Variants in ATRN observed in about 807,000 individuals in gnomAD.
ATRN encodes attractin-2.
Under a neutral mutation model 178.7 loss-of-function variants are expected in ATRN, and 54 were observed. The ratio of observed to expected loss-of-function variants is 0.30; its 90% CI spans 0.24 to 0.38. The LOEUF (loss-of-function observed/expected upper bound fraction) is 0.38, where lower values mean the gene tolerates loss of function less well. Ranked by LOEUF, ATRN falls within the 10% of genes least tolerant of loss-of-function variation. ATRN has a pLI of 1.00. For missense variants in ATRN, 1,443 were observed against 1,815.1 expected (o/e 0.79, Z 3.73); for synonymous variants, 636 against 663.0 (o/e 0.96, Z 0.63).
intron 15 of ATRN, among the ~76,000 whole-genome samples, chr20:3,580,293 G>C: frequency 6.6e-6 from 1 of 152,140 alleles, no homozygotes; most frequent in East Asian, 1.9e-4. Flanking sequence ...GTTCAACCAG[G>C]TGGCCACAGA....
At chr20:3,529,330 A>G (rs1294983421) in intron 1 of ATRN, among the ~76,000 whole-genome samples, 1 of 152,186 alleles carries the variant, frequency 6.6e-6, no homozygotes, top group African/African-American at 2.4e-5. Flanking sequence ...ACTTTAATCC[A>G]GTGATTTCAT....
At chr20:3,500,602 T>A (rs374288924) in intron 1 of ATRN, among the ~76,000 whole-genome samples, 12 of 148,012 alleles carry the variant, frequency 8.1e-5, no homozygotes, top group Admixed American at 2.8e-4. Context: ...AACCAAACAC[T>A]GCATATTCTC....
At chr20:3,605,074 C>T (rs1046385839) in intron 24 of ATRN, among the ~76,000 whole-genome samples, 1 of 152,190 alleles carries the variant, frequency 6.6e-6, no homozygotes, top group African/African-American at 2.4e-5. Flanking sequence ...AGCATGGTCA[C>T]TGGACGGAGG....
At chr20:3,537,822 C>A (rs2085560703) in intron 2 of ATRN, among the ~76,000 whole-genome samples, 1 of 151,760 alleles carries the variant, frequency 6.6e-6, no homozygotes, top group African/African-American at 2.4e-5. Context: ...TCATCCATGT[C>A]CCTACAAAGG....
intron 1 of ATRN, among the ~76,000 whole-genome samples, chr20:3,473,417 G>A (rs2084461514): frequency 6.6e-6 from 1 of 152,174 alleles, no homozygotes; most frequent in Non-Finnish European, 1.5e-5. Context: ...TGGAAGGCCA[G>A]GTGGCAGGAG....
chr20:3,644,466 C>CT (rs2087092630), intron 28 of ATRN, among the ~76,000 whole-genome samples, 198 bp downstream of exon 28: 1 of 152,216 alleles, frequency 6.6e-6, no homozygotes, highest in African/African-American at 2.4e-5. Context: ...TCGTCCCTTC[C>CT]TGGGGGGACG....
intron 1 of ATRN, among the ~76,000 whole-genome samples, chr20:3,510,755 A>C (rs771963124): frequency 1.9e-4 from 29 of 151,804 alleles, no homozygotes; most frequent in Admixed American, 5.9e-4. Flanking sequence ...GTGCTGTCTT[A>C]TTTTTCCACT....
chr20:3,511,737 GAC>G (rs1466956331), intron 1 of ATRN, among the ~76,000 whole-genome samples: 1 of 152,034 alleles, frequency 6.6e-6, no homozygotes, highest in East Asian at 1.9e-4. Context: ...AACGAAGAAA[GAC>G]ATGTTTTAGG....
intron 24 of ATRN, among the ~76,000 whole-genome samples, chr20:3,606,506 G>A (rs187409871): frequency 5.3e-5 from 8 of 152,250 alleles, no homozygotes; most frequent in East Asian, 3.9e-4. Flanking sequence ...TCTCCAGACC[G>A]GCACTGGCAG....
intron 24 of ATRN, among the ~76,000 whole-genome samples, chr20:3,623,563 C>T (rs1035590149): frequency 1.4e-4 from 22 of 152,098 alleles, no homozygotes; most frequent in African/African-American, 4.1e-4. Flanking sequence ...AGCAGATGCT[C>T]GTCATTTACC....
Position 3,646,871 on chromosome 20 carries a change from C to T in ATRN, c.*24C>T, listed in dbSNP as rs370171900. 1.3e-5 allele frequency: 21 copies of T among 1,611,802 alleles called. No individual in the cohort carries two copies. Among genetic ancestry groups the T allele is most frequent in the African/African-American group, 8.0e-5 (6 of 74,844 alleles). ...GATGCTGGGGCCAGGGACTCTCCCA[C>T]GCACGAGCTAGTGAGTGGCACACCA... On this transcript the variant is annotated 3_prime_UTR_variant, in exon 29 of 29. Coordinates refer to ENST00000262919, the MANE Select transcript of ATRN (RefSeq NM_139321.3).
intron 1 of ATRN, among the ~76,000 whole-genome samples, chr20:3,509,871 A>G (rs958662563): frequency 2.0e-5 from 3 of 152,338 alleles, no homozygotes; most frequent in Admixed American, 6.5e-5. Flanking sequence ...AGTGCAAAGC[A>G]CAACTTTGTA....
chr20:3,600,895 A>T, intron 22 of ATRN, 51 bp from the exon 23 acceptor site: 1 of 1,494,638 alleles, frequency 6.7e-7, no homozygotes, highest in African/African-American at 1.4e-5. Flanking sequence ...TTTATTTTAA[A>T]ATCTAGAAAT....
At chr20:3,631,297 T>C (rs2086987967) in intron 25 of ATRN, among the ~76,000 whole-genome samples, 1 of 152,064 alleles carries the variant, frequency 6.6e-6, no homozygotes, top group Non-Finnish European at 1.5e-5. Flanking sequence ...AGGGGAAAGG[T>C]ATCCAGATAA....
At chr20:3,537,654 C>T (rs1386613847) in intron 2 of ATRN, among the ~76,000 whole-genome samples, 1 of 150,646 alleles carries the variant, frequency 6.6e-6, no homozygotes, top group Non-Finnish European at 1.5e-5. Flanking sequence ...AATGCTATCC[C>T]TCCCCACTCC....
intron 6 of ATRN, among the ~76,000 whole-genome samples, chr20:3,555,904 T>C (rs1263113860): frequency 6.6e-6 from 1 of 152,138 alleles, no homozygotes; most frequent in South Asian, 2.1e-4. Context: ...GAACCCATCA[T>C]GGAGGAAAAG....
chr20:3,559,547 C>A (rs1259320388), intron 7 of ATRN, 64 bp downstream of exon 7: 2 of 1,363,786 alleles, frequency 1.5e-6, no homozygotes, highest in Non-Finnish European at 2.1e-6. Flanking sequence ...TCATGTATTA[C>A]ATAGTTGAAA....
chr20:3,559,600 TG>T, intron 7 of ATRN, 117 bp downstream of exon 7: 1 of 758,308 alleles, frequency 1.3e-6, no homozygotes, highest in Non-Finnish European at 2.2e-6. Flanking sequence ...AACTTTTTAT[TG>T]GGGGCATTAT....
At chr20:3,476,024 G>A (rs554431642) in intron 1 of ATRN, among the ~76,000 whole-genome samples, 2 of 152,072 alleles carry the variant, frequency 1.3e-5, no homozygotes, top group Non-Finnish European at 1.5e-5. Flanking sequence ...ATGTGCCTGT[G>A]GTCCCAGCTA....
Sources: allele counts gnomAD v4.1 joint callset (sites outside exome capture counted in the v4.1 genomes callset), GRCh38; gene constraint gnomAD v4.1.1; transcripts MANE v1.5; gene names NCBI Gene and HGNC (gene_info 2026-07-23, HGNC 2026-07-21).